WNK1: variants seen among roughly 807,000 people sequenced by gnomAD.
WNK1 encodes WNK lysine deficient protein kinase 1.
WNK1 carries 38 observed loss-of-function variants against 222.8 expected under a neutral mutation model. The observed-to-expected ratio is 0.17, with a 90% CI of 0.13 to 0.22. The LOEUF is 0.22. WNK1 is among the 10% of genes least tolerant of loss of function. WNK1 has a pLI of 1.00. For missense variants in WNK1, 2,348 were observed against 2,918.4 expected, an observed-to-expected ratio of 0.80 and a Z score of 4.50; for synonymous variants, 1,090 against 1,092.9, an observed-to-expected ratio of 1.00 and a Z score of 0.05.
rs921425450 is a variant in WNK1 at position 900,483 on chromosome 12, G to A, written c.6456G>A (p.Leu2152=). ...GNKSPQLSGN[L]SGQSAASVLH... ...CACTTTATCTTTTGGCAGGTAACCTGTCTGGTCAGAGTGCAGCTTCAGTCT... is the reference window on the plus strand; with the variant it reads ...CACTTTATCTTTTGGCAGGTAACCTATCTGGTCAGAGTGCAGCTTCAGTCT... Residue 2152 remains leucine (L), a synonymous_variant, in exon 26 of 28, where the codon CTG becomes CTA. Transcript: ENST00000315939. The A allele has an allele frequency of 6.2e-7, 1 of 1,614,128 alleles. No individual in the cohort carries two copies. The highest frequency in any genetic ancestry group is 1.1e-5 in the South Asian group (1 of 91,076).
chr12:838,306 A>G (rs7953682), intron 4 of WNK1, among the ~76,000 whole-genome samples: 6,302 of 152,242 alleles, frequency 0.041, 332 homozygotes, highest in African/African-American at 0.12. Context: ...ATGTTTAACC[A>G]TTTGAAGAAC....
In WNK1 at chr12:852,688, G is replaced by A. The variant is rs116912229; in HGVS notation, c.1312-4473G>A. 1.2e-4 allele frequency among the ~76,000 whole-genome samples: 19 copies of A among 152,142 alleles called. No homozygotes were observed. The East Asian group carries it at 1.7e-3, about 14-fold the overall frequency. ...TTTGTTCTGTCTGGTGCTTAAAATC[G>A]TGTTTAAGAATAATCTAGTTCACCT... is the stretch of plus-strand genomic sequence containing the variant. On this transcript the variant is annotated intron_variant, in intron 4 of 27. Transcript: ENST00000315939.
intron 1 of WNK1, among the ~76,000 whole-genome samples, chr12:788,193 A>C (rs887072792): frequency 2.0e-5 from 3 of 152,166 alleles, no homozygotes; most frequent in African/African-American, 7.2e-5. Flanking sequence ...AAATACCTTT[A>C]TAGCAACACC....
Position 830,098 on chromosome 12 carries a change from A to G in WNK1, c.1249A>G (p.Thr417Ala). ...TGGGATGTGCATGCTTGAGATGGCT[A>G]CATCTGAATATCCTTACTCGGAGTG... is the stretch of plus-strand genomic sequence containing the variant. ...AFGMCMLEMA[T>A]SEYPYSECQN... is the part of the protein sequence containing the mutation. The change falls in exon 4 of 28, where the codon ACA becomes GCA. Residue 417 changes from threonine (T) to alanine (A), a missense_variant. Coordinates refer to ENST00000315939, the MANE Select transcript of WNK1 (RefSeq NM_018979.4). The G allele has an allele frequency of 6.2e-7, 1 of 1,614,104 alleles. No individual in the cohort carries two copies. Among genetic ancestry groups the G allele is most frequent in the Non-Finnish European group, 8.5e-7 (1 of 1,179,962 alleles).
At chr12:829,159 C>G (rs1330867098) in intron 3 of WNK1, among the ~76,000 whole-genome samples, 9 of 152,246 alleles carry the variant, frequency 5.9e-5, no homozygotes, top group Admixed American at 3.9e-4. Context: ...ATGCCTGTTT[C>G]TTGGAAATGC....
At chr12:862,047 C>G (rs375882105) in intron 7 of WNK1, 36 bp from the exon 8 acceptor site, 277 of 1,612,282 alleles carry the variant, frequency 1.7e-4, no homozygotes, top group Non-Finnish European at 2.3e-4. Context: ...TTGTCTTTCT[C>G]TCTCTCTTTT....
intron 1 of WNK1, among the ~76,000 whole-genome samples, chr12:756,834 G>A (rs562590053): frequency 6.6e-5 from 10 of 152,286 alleles, no homozygotes; most frequent in South Asian, 2.1e-4. Flanking sequence ...TATTTCTGAA[G>A]CAAGACAGGA....
intron 1 of WNK1, among the ~76,000 whole-genome samples, chr12:810,534 A>C (rs954321473): frequency 6.6e-6 from 1 of 152,234 alleles, no homozygotes; most frequent in African/African-American, 2.4e-5. Flanking sequence ...TAAAAATTTC[A>C]AGTTTAATGA....
In WNK1 at chr12:896,214, G is replaced by A. The variant is rs763247767; in HGVS notation, c.5727G>A (p.Pro1909=). Reference sequence around the variant, plus strand: ...AGAGTACCTTGGTGAAACCAGAGCCGAATGGCATAACCATCCCTGGTATCT... The same window carrying A: ...AGAGTACCTTGGTGAAACCAGAGCCAAATGGCATAACCATCCCTGGTATCT... ...SPESTLVKPE[P]NGITIPGISS... is the part of the protein sequence containing the mutation. Residue 1909 remains proline, a synonymous_variant, in exon 24 of 28, where the codon CCG becomes CCA. Coordinates refer to ENST00000315939, the MANE Select transcript of WNK1 (RefSeq NM_018979.4). The A allele has an allele frequency of 6.8e-6, 11 of 1,614,076 alleles. No homozygotes were observed. Among genetic ancestry groups the A allele is most frequent in the East Asian group, 4.5e-5 (2 of 44,900 alleles).
chr12:785,183 C>T (rs1464195335), intron 1 of WNK1, among the ~76,000 whole-genome samples: 1 of 151,924 alleles, frequency 6.6e-6, no homozygotes. Context: ...TTGTCTTGTC[C>T]TCAGCGTTTT....
chr12:879,551 T>G, intron 10 of WNK1, 22 bp from the exon 11 acceptor site: 1 of 1,538,628 alleles, frequency 6.5e-7, no homozygotes, highest in South Asian at 1.1e-5. Flanking sequence ...CCTGTCTGTT[T>G]TGTTTTTCTT....
Position 900,665 on chromosome 12 carries a change from G to T in WNK1, c.6638G>T (p.Gly2213Val). 6.2e-7 allele frequency: 1 copy of T among 1,614,164 alleles called. No homozygotes were observed. Among genetic ancestry groups the T allele is most frequent in the Non-Finnish European group, 8.5e-7 (1 of 1,180,020 alleles). ...AISVPSLSAP[G>V]QGTSSTNTVG... ...TCAGTACCAAGCCTTTCTGCTCCAG[G>T]TCAAGGTAATAAAGCAACCATCATC... The change falls in exon 26 of 28, where the codon GGT becomes GTT. Residue 2213 changes from glycine (G) to valine (V), a missense_variant. Around this residue, in one of 13 missense-constraint regions of WNK1, gnomAD observed 1,144 missense variants for 1,273.6 expected, o/e 0.90. Transcript: ENST00000315939.
rs529507292 is a variant in WNK1 at position 902,004 on chromosome 12, A to G, written c.6643+1334A>G. On this transcript the variant is annotated intron_variant, in intron 26 of 27. Coordinates refer to ENST00000315939, the MANE Select transcript of WNK1 (RefSeq NM_018979.4). ...CTGTCTGTCTGCCCTAGCATTAGAA[A>G]TGAGAGAAATCAGCCAGACACGGTG... Among the ~76,000 whole-genome samples the G allele has an allele frequency of 2.6e-5, 4 of 152,184 alleles. No homozygotes were observed. In the East Asian group the frequency reaches 7.7e-4, roughly 29 times the overall value.
intron 1 of WNK1, among the ~76,000 whole-genome samples, chr12:800,996 AAGGTATTGGTTCCTTTCTC>A (rs906474387): frequency 6.6e-6 from 1 of 152,150 alleles, no homozygotes; most frequent in African/African-American, 2.4e-5. Context: ...TTTTGGAGGA[AAGGTATTGGTTCCTTTCTC>A]AGGTACCCTC....
In WNK1 at chr12:753,612, T is replaced by A. The variant is rs774482432; in HGVS notation, c.47T>A (p.Leu16Gln). The change falls in exon 1 of 28, where the codon CTG becomes CAG. Residue 16 changes from leucine to glutamine, a missense_variant. This residue lies in a region of WNK1 where 108 missense variants were observed against 109.7 expected (regional missense o/e 0.98). Coordinates refer to ENST00000315939, the MANE Select transcript of WNK1 (RefSeq NM_018979.4). The surrounding 1 kb of genome is among the most constrained non-coding windows in gnomAD (Gnocchi z 5.2). The part of the protein sequence containing the change: ...AEKQSSTPGS[L>Q]FLSPPAPAPK... Reference sequence around the variant, plus strand: ...AAGCAGAGCAGCACTCCCGGTTCCCTGTTCCTCTCGCCGCCGGCTCCTGCC... The same window carrying A: ...AAGCAGAGCAGCACTCCCGGTTCCCAGTTCCTCTCGCCGCCGGCTCCTGCC... 3.1e-6 allele frequency: 5 copies of A among 1,612,634 alleles called. No homozygotes were observed. Among genetic ancestry groups the A allele is most frequent in the Non-Finnish European group, 4.2e-6 (5 of 1,179,908 alleles).
At chr12:849,719 A>G (rs1441484131) in intron 4 of WNK1, among the ~76,000 whole-genome samples, 1 of 147,908 alleles carries the variant, frequency 6.8e-6, no homozygotes, top group Non-Finnish European at 1.5e-5. Context: ...CCTCCCCCCT[A>G]CCCCCACCCC....
At chr12:879,128 C>T (rs746357679) in intron 10 of WNK1, among the ~76,000 whole-genome samples, 2 of 151,942 alleles carry the variant, frequency 1.3e-5, no homozygotes, top group Non-Finnish European at 2.9e-5. Context: ...AGAAATAATA[C>T]GAATGAAATC....
intron 4 of WNK1, among the ~76,000 whole-genome samples, chr12:846,217 C>A (rs1244815414): frequency 6.6e-6 from 1 of 152,066 alleles, no homozygotes; most frequent in African/African-American, 2.4e-5. Context: ...AGGTTCATTC[C>A]CCCTATTTAA....
chr12:836,488 C>G (rs986902259), intron 4 of WNK1, among the ~76,000 whole-genome samples: 3 of 152,178 alleles, frequency 2.0e-5, no homozygotes, highest in Non-Finnish European at 4.4e-5. Flanking sequence ...AAGGGTTTGA[C>G]TTAGGCTTTC....
Sources: gnomAD v4.1 joint callset for allele counts (sites outside exome capture counted in the v4.1 genomes callset) on GRCh38, gnomAD v4.1.1 for gene constraint, gnomAD v4.1.1 regional missense constraint, Gnocchi (gnomAD v3.1) non-coding constraint, MANE v1.5 for transcripts, NCBI Gene and HGNC (gene_info 2026-07-23, HGNC 2026-07-21) for gene names.